ATP10A: variants seen among roughly 807,000 people sequenced by gnomAD.
The protein encoded by ATP10A is ATPase phospholipid transporting 10A (putative).
In ATP10A, 111 loss-of-function variants were observed where a neutral mutation model predicts 147.8. The observed-to-expected ratio is 0.75, with a 90% CI of 0.64 to 0.88. ATP10A has a LOEUF of 0.88. Ranked by LOEUF, ATP10A falls within the 40% of genes least tolerant of loss-of-function variation. The pLI, the probability that ATP10A is intolerant of heterozygous loss-of-function variation, is 0.00. For synonymous variants in ATP10A, 875 were observed against 841.6 expected (o/e 1.04, Z -0.69); for missense variants, 1,927 against 1,959.0 (o/e 0.98, Z 0.31).
chr15:25,832,016 G>A (rs895491213), intron 1 of ATP10A, among the ~76,000 whole-genome samples: 13 of 152,070 alleles, frequency 8.5e-5, no homozygotes, highest in South Asian at 4.2e-4. Context: ...GGAGTATGGC[G>A]GGCCCTAACC....
At chr15:25,784,358 G>A (rs952436965) in intron 1 of ATP10A, among the ~76,000 whole-genome samples, 1 of 152,184 alleles carries the variant, frequency 6.6e-6, no homozygotes, top group Non-Finnish European at 1.5e-5. Flanking sequence ...TTCAGTTTAT[G>A]TTAACTACAT....
intron 1 of ATP10A, among the ~76,000 whole-genome samples, chr15:25,794,207 G>A (rs924056846): frequency 9.2e-5 from 14 of 152,174 alleles, no homozygotes; most frequent in African/African-American, 3.4e-4. Flanking sequence ...GCCCTCAGAT[G>A]TGCCTTTCCC....
chr15:25,753,267 C>G (rs915842752), intron 2 of ATP10A, among the ~76,000 whole-genome samples: 1 of 152,178 alleles, frequency 6.6e-6, no homozygotes, highest in African/African-American at 2.4e-5. Flanking sequence ...CCCCCAGCCT[C>G]TGTAACCACA....
intron 2 of ATP10A, among the ~76,000 whole-genome samples, chr15:25,766,724 C>T (rs1889041589): frequency 6.6e-6 from 1 of 152,068 alleles, no homozygotes; most frequent in African/African-American, 2.4e-5. Context: ...TCCCAGCACC[C>T]TGAGCTCAGT....
intron 1 of ATP10A, among the ~76,000 whole-genome samples, chr15:25,829,024 G>T (rs1435444102): frequency 1.3e-5 from 2 of 152,196 alleles, no homozygotes; most frequent in Non-Finnish European, 2.9e-5. Flanking sequence ...GTGCGAGAAA[G>T]GAGGGGGTAA....
At chr15:25,733,723 G>A (rs1284287851) in intron 3 of ATP10A, among the ~76,000 whole-genome samples, 1 of 152,208 alleles carries the variant, frequency 6.6e-6, no homozygotes, top group East Asian at 1.9e-4. Context: ...TGGCCCAGAT[G>A]GTGCCTGTGC....
chr15:25,711,516 G>A (rs947111402), intron 10 of ATP10A, among the ~76,000 whole-genome samples: 2 of 152,020 alleles, frequency 1.3e-5, no homozygotes, highest in East Asian at 1.9e-4. Context: ...AAACTGCTGG[G>A]GTCTCTGAAC....
chr15:25,818,507 A>G (rs566170783), intron 1 of ATP10A, among the ~76,000 whole-genome samples: 1 of 152,276 alleles, frequency 6.6e-6, no homozygotes, highest in South Asian at 2.1e-4. Context: ...AATAATTAGT[A>G]TCATTACAAT....
At chr15:25,672,239 G>C in the ATP10A span, among the ~76,000 whole-genome samples, 1 of 152,182 alleles carries the variant, frequency 6.6e-6, no homozygotes, top group Admixed American at 6.5e-5. Flanking sequence ...CACCGTGCCC[G>C]GCCCGTCCTT....
intron 1 of ATP10A, among the ~76,000 whole-genome samples, chr15:25,802,422 G>A (rs947486726): frequency 5.7e-5 from 7 of 123,542 alleles, no homozygotes; most frequent in African/African-American, 2.3e-4. Flanking sequence ...CTTGCGTGTT[G>A]TGTTCCGACC....
At chr15:25,859,046 G>T (rs910443290) in intron 1 of ATP10A, among the ~76,000 whole-genome samples, 2 of 152,134 alleles carry the variant, frequency 1.3e-5, no homozygotes, top group Admixed American at 1.3e-4. Context: ...CCTCACCCCT[G>T]CTGTGGAAGA....
intron 2 of ATP10A, among the ~76,000 whole-genome samples, chr15:25,737,247 A>G (rs182571269): frequency 6.6e-6 from 1 of 152,254 alleles, no homozygotes; most frequent in Non-Finnish European, 1.5e-5. Flanking sequence ...TGTTTCAAGG[A>G]GTCTTGTGTT....
At chr15:25,837,775 C>T (rs1432933794) in intron 1 of ATP10A, among the ~76,000 whole-genome samples, 1 of 152,126 alleles carries the variant, frequency 6.6e-6, no homozygotes, top group East Asian at 1.9e-4. Flanking sequence ...GGAAACAGCT[C>T]GAGGGCATGG....
At chr15:25,756,618 G>A (rs899078254) in intron 2 of ATP10A, among the ~76,000 whole-genome samples, 2 of 150,592 alleles carry the variant, frequency 1.3e-5, no homozygotes, top group Non-Finnish European at 3.0e-5. Flanking sequence ...ACTCCAGCCT[G>A]GGCCACAGAG....
At chr15:25,844,037 G>C (rs55670835) in intron 1 of ATP10A, among the ~76,000 whole-genome samples, 25,469 of 152,118 alleles carry the variant, frequency 0.17, 2,483 homozygotes, top group South Asian at 0.35. Context: ...AAATCGAATA[G>C]AGAGATCACC....
intron 2 of ATP10A, among the ~76,000 whole-genome samples, chr15:25,768,190 G>A (rs370789858): frequency 5.3e-5 from 8 of 152,176 alleles, no homozygotes; most frequent in African/African-American, 1.7e-4. Flanking sequence ...CACAGCACGC[G>A]AGCAGCTGCG....
intron 8 of ATP10A, 134 bp from the exon 9 acceptor site, chr15:25,717,058 T>G: frequency 1.8e-6 from 1 of 546,762 alleles, no homozygotes; most frequent in Non-Finnish European, 2.8e-6. Context: ...ATATATGTCA[T>G]TTTATAATTG....
chr15:25,697,099 G>A (rs1471701453), intron 13 of ATP10A, among the ~76,000 whole-genome samples: 2 of 152,222 alleles, frequency 1.3e-5, no homozygotes, highest in African/African-American at 4.8e-5. Context: ...GTAAAGAGAA[G>A]CTTGGCTAAC....
In ATP10A at chr15:25,680,164, A is replaced by T. The variant is rs1232959974; in HGVS notation, c.3823T>A (p.Tyr1275Asn). The T allele has an allele frequency of 1.2e-6, 2 of 1,614,136 alleles. No homozygotes were observed. The highest frequency in any genetic ancestry group is 1.7e-5 in the Admixed American group (1 of 60,028). ...ACAGGCGTCATCAGGCAAGTCAAGT[A>T]AAACACTGGGTCACCCAGTAAGGCT... ...MQALLGDPVFYLTCLMTPVAA... is the reference protein window; with the variant it reads ...MQALLGDPVFNLTCLMTPVAA... The change falls in exon 20 of 21, where the codon TAC (tyrosine) becomes AAC (asparagine). Residue 1275 changes from tyrosine (Y) to asparagine (N), a missense_variant. Transcript: ENST00000555815.
Sources: allele counts gnomAD v4.1 joint callset (sites outside exome capture counted in the v4.1 genomes callset), GRCh38; gene constraint gnomAD v4.1.1; transcripts MANE v1.5; gene names NCBI Gene and HGNC (gene_info 2026-07-23, HGNC 2026-07-21).